The following GRID2 variants were observed in gnomAD, a reference collection of about 807,000 sequenced individuals.
GRID2 encodes the protein glutamate ionotropic receptor delta type subunit 2, also known as glutamate receptor ionotropic, delta-2.
A neutral mutation model predicts 114.8 loss-of-function variants in GRID2; 33 were observed. The ratio of observed to expected loss-of-function variants is 0.29; its 90% confidence interval spans 0.22 to 0.38. The LOEUF (loss-of-function observed/expected upper bound fraction) is 0.38. Among genes scored for constraint, GRID2 ranks in the 10% least tolerant of loss-of-function variants. The pLI is 1.00. For missense variants in GRID2, 1,184 were observed against 1,257.7 expected, an observed-to-expected ratio of 0.94 and a Z score of 0.89; for synonymous variants, 505 against 449.9, an observed-to-expected ratio of 1.12 and a Z score of -1.55.
chr4:93,112,213 G>C (rs1192340932), intron 4 of GRID2: 1 of 152,070 alleles, frequency 6.6e-6, no homozygotes, highest in Non-Finnish European at 1.5e-5. Flanking sequence ...ATTTTTGTTG[G>C]AGGAGATCAG....
At chr4:93,429,798 T>C (rs1769226939) in intron 10 of GRID2, among the ~76,000 whole-genome samples, 1 of 152,338 alleles carries the variant, frequency 6.6e-6, no homozygotes, top group South Asian at 2.1e-4. Flanking sequence ...ATAGCACCAT[T>C]GAGAGTCCTA....
At chr4:92,443,436 G>T (rs944883949) in intron 1 of GRID2, among the ~76,000 whole-genome samples, 1 of 151,754 alleles carries the variant, frequency 6.6e-6, no homozygotes, top group African/African-American at 2.4e-5. Context: ...GTGGAAGGTT[G>T]CCCATAGTGA....
At chr4:92,882,825 C>T (rs1560666507) in intron 2 of GRID2, among the ~76,000 whole-genome samples, 1 of 152,124 alleles carries the variant, frequency 6.6e-6, no homozygotes, top group African/African-American at 2.4e-5. Flanking sequence ...AAAGTAAAAC[C>T]TTTGGTGGTT....
intron 1 of GRID2, among the ~76,000 whole-genome samples, chr4:92,526,393 G>C (rs1725045234): frequency 6.6e-6 from 1 of 152,102 alleles, no homozygotes; most frequent in Admixed American, 6.6e-5. Context: ...GCCCAGGCAG[G>C]AGTGCAATGG....
rs928967135 is a variant in GRID2, at chr4:92,375,644, C to T, written c.88+70900C>T. 5.3e-5 allele frequency among the ~76,000 whole-genome samples: 8 copies of T among 151,982 alleles called. No individual in the cohort carries two copies. The East Asian group carries it at 1.3e-3, about 26-fold the overall frequency. On this transcript the variant is annotated intron_variant, in intron 1 of 15. Transcript: ENST00000282020. ...TCATGTTGAACACATTTTTTTTGTG[C>T]TCCTCATTTAGCTACATTGGAGATG...
downstream of GRID2, among the ~76,000 whole-genome samples, chr4:93,778,393 CTTTTTT>C (rs36000401): frequency 2.0e-5 from 2 of 98,636 alleles, no homozygotes; most frequent in African/African-American, 7.7e-5. Context: ...TCTCATTTGG[CTTTTTT>C]TTTTTTTTTT....
chr4:93,594,927 G>T (rs58148898), intron 13 of GRID2, among the ~76,000 whole-genome samples: 1 of 151,894 alleles, frequency 6.6e-6, no homozygotes, highest in Non-Finnish European at 1.5e-5. Context: ...CACGGTGCAC[G>T]CACCCACTGA....
intron 2 of GRID2, among the ~76,000 whole-genome samples, chr4:92,950,104 C>G (rs988267346): frequency 5.3e-5 from 8 of 152,168 alleles, no homozygotes; most frequent in African/African-American, 1.9e-4. Context: ...TTTTGCTTCT[C>G]TGGCCAGCTA....
At chr4:93,397,166 A>G (rs1382787979) in intron 9 of GRID2, among the ~76,000 whole-genome samples, 2 of 152,010 alleles carry the variant, frequency 1.3e-5, no homozygotes, top group Admixed American at 6.6e-5. Flanking sequence ...CATATTTTCT[A>G]TGAAAGGACA....
intron 1 of GRID2, among the ~76,000 whole-genome samples, chr4:92,510,166 T>C (rs1225564250): frequency 1.3e-5 from 2 of 151,886 alleles, no homozygotes; most frequent in Admixed American, 1.3e-4. Flanking sequence ...AACTATGGTT[T>C]AACTGTGGAT....
intron 2 of GRID2, among the ~76,000 whole-genome samples, chr4:92,770,303 T>C (rs1242177108): frequency 2.0e-5 from 3 of 152,194 alleles, no homozygotes; most frequent in Non-Finnish European, 4.4e-5. Context: ...TTCATATCAC[T>C]ATCAGCATTT....
chr4:92,329,080 A>G (rs368190901), intron 1 of GRID2, among the ~76,000 whole-genome samples: 1 of 152,006 alleles, frequency 6.6e-6, no homozygotes, highest in Non-Finnish European at 1.5e-5. Context: ...GTGCATGCTA[A>G]TTTTACTTCA....
intron 12 of GRID2, among the ~76,000 whole-genome samples, chr4:93,495,641 G>A (rs1300174873): frequency 1.3e-5 from 2 of 151,704 alleles, no homozygotes; most frequent in African/African-American, 4.8e-5. Flanking sequence ...GAAAATGTAG[G>A]CATGCATGGG....
At position 92,938,721 on chromosome 4, in the gene GRID2, C is replaced by G. The variant is rs947293787; in HGVS notation, c.245-146274C>G. ...TAATGCTATCCCTCCCCCCAGCCCC[C>G]ACCCCACAACAGTCCCCAGAGTGTG... On this transcript the variant is annotated intron_variant, in intron 2 of 15. Transcript: ENST00000282020. 1.5e-4 allele frequency among the ~76,000 whole-genome samples: 21 copies of G among 144,310 alleles called. 1 individual carries two copies. The highest frequency in any genetic ancestry group is 4.9e-4 in the African/African-American group (20 of 40,924). 94.7% of individuals were successfully genotyped at this position (144,310 alleles called of 152,430 possible). A position where few individuals can be genotyped will look rare whatever the true frequency, so the allele number is the denominator to read the frequency against.
intron 2 of GRID2, among the ~76,000 whole-genome samples, chr4:93,060,208 A>G (rs937640445): frequency 3.3e-5 from 5 of 152,158 alleles, no homozygotes; most frequent in Non-Finnish European, 5.9e-5. Flanking sequence ...AGCAGCCTCT[A>G]TCCTCTGGGT....
rs564133084 is a variant in GRID2, at chr4:92,622,497, A to T, written c.244+32211A>T. 4.3e-4 allele frequency among the ~76,000 whole-genome samples: 66 copies of T among 151,862 alleles called. No individual in the cohort carries two copies. In the East Asian group the frequency reaches 0.012, roughly 27 times the overall value. ...TCTGTACAAGAGAGTAATAAGAATGAGGGGAAAATTAAGTGGTTTAACATT... is the reference window on the plus strand; with the variant it reads ...TCTGTACAAGAGAGTAATAAGAATGTGGGGAAAATTAAGTGGTTTAACATT... On this transcript the variant is annotated intron_variant, in intron 2 of 15. Transcript: ENST00000282020.
In GRID2 at chr4:92,451,766, G is replaced by T. The variant is rs536668909; in HGVS notation, c.89-138365G>T. ...TAAGAAAACATTGAGCAATAATTCAGGAAAATTAGGCAGAAGGGTATGTTC... is the reference window on the plus strand; with the variant it reads ...TAAGAAAACATTGAGCAATAATTCATGAAAATTAGGCAGAAGGGTATGTTC... On this transcript the variant is annotated intron_variant, in intron 1 of 15. Coordinates refer to ENST00000282020, the MANE Select transcript of GRID2 (RefSeq NM_001510.4). 3.3e-5 allele frequency among the ~76,000 whole-genome samples: 5 copies of T among 151,836 alleles called. No individual in the cohort carries two copies. The East Asian group carries it at 9.7e-4, about 29-fold the overall frequency.
chr4:92,871,636 T>C (rs929615656), intron 2 of GRID2, among the ~76,000 whole-genome samples: 2 of 152,062 alleles, frequency 1.3e-5, no homozygotes, highest in African/African-American at 4.8e-5. Flanking sequence ...AGCCAATAAT[T>C]TAGAAACTTA....
intron 13 of GRID2, among the ~76,000 whole-genome samples, chr4:93,576,342 A>G (rs1239866614): frequency 1.3e-5 from 2 of 152,120 alleles, no homozygotes; most frequent in East Asian, 1.9e-4. Flanking sequence ...GATTGACTCC[A>G]CTACTCTCCT....
Sources: allele counts gnomAD v4.1 joint callset (sites outside exome capture counted in the v4.1 genomes callset), GRCh38; gene constraint gnomAD v4.1.1; transcripts MANE v1.5; gene names NCBI Gene and HGNC (gene_info 2026-07-23, HGNC 2026-07-21).